The following SPAG16 variants were observed in gnomAD, a reference collection of about 807,000 sequenced individuals.
The protein encoded by SPAG16 is sperm associated antigen 16, also known as sperm-associated antigen 16 protein.
A neutral mutation model predicts 80.4 loss-of-function variants in SPAG16; 86 were observed. The observed-to-expected ratio is 1.07, with a 90% CI of 0.90 to 1.28. SPAG16 has a LOEUF of 1.28. SPAG16 is among the 50% of genes most tolerant of loss of function. The probability of loss-of-function intolerance (pLI) is 0.00; values close to 1 mark genes in which losing one functional copy is unlikely to be tolerated. For missense variants in SPAG16, 870 were observed against 765.3 expected (o/e 1.14, Z -1.61); for synonymous variants, 294 against 265.9 (o/e 1.11, Z -1.03).
intron 9 of SPAG16, among the ~76,000 whole-genome samples, chr2:213,473,050 G>A (rs566853575): frequency 1.8e-4 from 27 of 152,246 alleles, no homozygotes; most frequent in African/African-American, 6.5e-4. Flanking sequence ...TCACTGAGGG[G>A]CCATGATTCT....
chr2:214,364,916 T>C (rs1400328665), intron 15 of SPAG16, among the ~76,000 whole-genome samples: 2 of 152,154 alleles, frequency 1.3e-5, no homozygotes, highest in East Asian at 3.9e-4. Context: ...TAGGAAGTTA[T>C]TCAGATGTCA....
At chr2:213,573,285 A>G (rs2059994636) in intron 10 of SPAG16, among the ~76,000 whole-genome samples, 1 of 152,224 alleles carries the variant, frequency 6.6e-6, no homozygotes, top group South Asian at 2.1e-4. Context: ...CACAGATTCT[A>G]ATCACCTCAG....
At chr2:213,928,956 T>A (rs1475433193) in intron 11 of SPAG16, among the ~76,000 whole-genome samples, 1 of 149,460 alleles carries the variant, frequency 6.7e-6, no homozygotes, top group East Asian at 2.0e-4. Context: ...ACCAACTAGA[T>A]GTTTCTGTTG....
intron 15 of SPAG16, among the ~76,000 whole-genome samples, chr2:214,283,106 C>A (rs931070507): frequency 1.7e-4 from 26 of 150,586 alleles, no homozygotes; most frequent in African/African-American, 6.4e-4. Context: ...AAGTATATAA[C>A]TGTGATAATT....
intron 15 of SPAG16, among the ~76,000 whole-genome samples, chr2:214,332,363 G>T (rs1377213489): frequency 6.6e-6 from 1 of 152,196 alleles, no homozygotes; most frequent in African/African-American, 2.4e-5. Context: ...GGTATGTTGT[G>T]CTGTTTTGTC....
intron 5 of SPAG16, among the ~76,000 whole-genome samples, chr2:213,324,556 C>T (rs963024757): frequency 1.3e-5 from 2 of 152,088 alleles, no homozygotes; most frequent in Non-Finnish European, 2.9e-5. Context: ...AAAGTCTGTA[C>T]AATGTATTAT....
rs112397763 is a variant in SPAG16, at chr2:213,517,663, C to T, written c.1070+27573C>T. 7.9e-4 allele frequency among the ~76,000 whole-genome samples: 120 copies of T among 152,148 alleles called. 2 individuals are homozygous for T. The highest frequency in any genetic ancestry group is 3.4e-3 in the Middle Eastern group (1 of 294). On this transcript the variant is annotated intron_variant, in intron 10 of 15. Transcript: ENST00000331683. The stretch of plus-strand genomic sequence containing the variant: ...TAGAAAACTCAGAAATAAAGCCACA[C>T]ACATCTGATCTTTGGCAAGGATGAC...
At chr2:213,346,728 G>T (rs1366844635) in intron 6 of SPAG16, among the ~76,000 whole-genome samples, 8 of 152,316 alleles carry the variant, frequency 5.3e-5, no homozygotes, top group African/African-American at 1.9e-4. Context: ...CAGGGATGAA[G>T]CCCACTTGAT....
Position 213,670,508 on chromosome 2 carries a change from A to ATT in SPAG16, c.1070+180427_1070+180428dup, listed in dbSNP as rs146079653. Among the ~76,000 whole-genome samples, 11 of 150,142 alleles carry ATT rather than the reference A, an allele frequency of 7.3e-5. No homozygotes were observed. In the South Asian group the frequency reaches 1.3e-3, roughly 17 times the overall value. On this transcript the variant is annotated intron_variant, in intron 10 of 15. Transcript: ENST00000331683. ...TTTTTAAAGAAATCACTTATTTGTG[A>ATT]TTTTTTTTTTCCTAAAAGGATGATT...
At chr2:214,151,633 A>C (rs2055977429) in intron 15 of SPAG16, among the ~76,000 whole-genome samples, 1 of 152,166 alleles carries the variant, frequency 6.6e-6, no homozygotes, top group Admixed American at 6.6e-5. Flanking sequence ...CCCTATTGGC[A>C]ATAATGAACA....
intron 13 of SPAG16, among the ~76,000 whole-genome samples, chr2:214,093,058 C>T (rs7596582): frequency 0.021 from 3,218 of 152,186 alleles, 114 homozygotes; most frequent in African/African-American, 0.074. Flanking sequence ...AGCCCTTCAT[C>T]TAAGTCTTTT....
chr2:213,965,513 C>G (rs1282467842), intron 12 of SPAG16, among the ~76,000 whole-genome samples: 1 of 152,176 alleles, frequency 6.6e-6, no homozygotes, highest in African/African-American at 2.4e-5. Flanking sequence ...ACATCTCAGT[C>G]CCTTTGCAGA....
chr2:214,130,711 A>G (rs899626253), intron 14 of SPAG16, among the ~76,000 whole-genome samples: 2 of 152,222 alleles, frequency 1.3e-5, no homozygotes, highest in African/African-American at 4.8e-5. Context: ...CCAAGGGCCT[A>G]TAAGACAAAG....
chr2:213,942,526 C>T (rs938675667), intron 12 of SPAG16, among the ~76,000 whole-genome samples: 2 of 152,144 alleles, frequency 1.3e-5, no homozygotes, highest in African/African-American at 2.4e-5. Context: ...GATGTTGCCT[C>T]GGTATTTCTT....
intron 10 of SPAG16, among the ~76,000 whole-genome samples, chr2:213,593,876 G>A (rs1474326404): frequency 7.0e-6 from 1 of 143,038 alleles, no homozygotes; most frequent in Non-Finnish European, 1.5e-5. Context: ...CCCGGTTCCC[G>A]CTATTCTCCT....
chr2:213,611,971 G>T (rs949887383), intron 10 of SPAG16, among the ~76,000 whole-genome samples: 2 of 152,080 alleles, frequency 1.3e-5, no homozygotes, highest in African/African-American at 4.8e-5. Flanking sequence ...TGAAAACCAA[G>T]AATCAATAGT....
chr2:213,648,581 T>C (rs1339436395), intron 10 of SPAG16, among the ~76,000 whole-genome samples: 5 of 140,370 alleles, frequency 3.6e-5, no homozygotes, highest in African/African-American at 1.4e-4. Flanking sequence ...TCAGCCTTGG[T>C]GTAGGCACAC....
intron 10 of SPAG16, among the ~76,000 whole-genome samples, chr2:213,584,316 G>T: frequency 6.6e-6 from 1 of 152,020 alleles, no homozygotes; most frequent in Non-Finnish European, 1.5e-5. Context: ...AAATGCAGTT[G>T]GGTTACTGAC....
At chr2:213,694,042 C>CAAAAAAA (rs68152101) in intron 10 of SPAG16, among the ~76,000 whole-genome samples, 82 of 121,374 alleles carry the variant, frequency 6.8e-4, no homozygotes, top group Middle Eastern at 4.2e-3. Flanking sequence ...TTATGCAAGA[C>CAAAAAAA]AAAAAAAAAA....
Sources: allele counts gnomAD v4.1 joint callset (sites outside exome capture counted in the v4.1 genomes callset), GRCh38; gene constraint gnomAD v4.1.1; transcripts MANE v1.5; gene names NCBI Gene and HGNC (gene_info 2026-07-23, HGNC 2026-07-21).